TMCC3: variants seen among roughly 807,000 people sequenced by gnomAD.
TMCC3 encodes transmembrane and coiled-coil domain protein 3.
TMCC3 carries 28 observed loss-of-function variants against 40.2 expected under a neutral mutation model. That is an observed-to-expected ratio of 0.70 (90% CI 0.52 to 0.95). The LOEUF (loss-of-function observed/expected upper bound fraction) is 0.95. TMCC3 is among the 40% of genes least tolerant of loss of function. The pLI is 0.00. For missense variants in TMCC3, 554 were observed against 615.2 expected, an observed-to-expected ratio of 0.90 and a Z score of 1.05; for synonymous variants, 255 against 248.5, an observed-to-expected ratio of 1.03 and a Z score of -0.25.
rs188271897 is a variant in TMCC3, at chr12:94,579,814, C to T, written c.996-1285G>A. Reference sequence around the variant, plus strand: ...GTGACTGTAACACGCGGGTCACAAACGTAACCACAGGACAGATGCAAACAG... The same window carrying T: ...GTGACTGTAACACGCGGGTCACAAATGTAACCACAGGACAGATGCAAACAG... On this transcript the variant is annotated intron_variant, in intron 2 of 3. Transcript: ENST00000261226. Among the ~76,000 whole-genome samples the T allele has an allele frequency of 1.4e-4, 21 of 152,296 alleles. 1 individual carries two copies. In the East Asian group the frequency reaches 3.3e-3, roughly 24 times the overall value.
rs1467855760 is a variant in TMCC3, at chr12:94,578,165, A to AAAAAAAAAAAAAG, written c.1131+228_1131+229insCTTTTTTTTTTTT. On this transcript the variant is annotated intron_variant, in intron 3 of 3. Coordinates refer to ENST00000261226, the MANE Select transcript of TMCC3 (RefSeq NM_020698.4). The stretch of plus-strand genomic sequence containing the variant: ...TCACCTCAAAAAAAAAAAAAAAAAA[A>AAAAAAAAAAAAAG]AAAGAAAAAGAAAAAGAAAAAAAAA... 3.6e-3 allele frequency among the ~76,000 whole-genome samples: 443 copies of AAAAAAAAAAAAAG among 123,174 alleles called. 18 individuals carry two copies. The highest frequency in any genetic ancestry group is 0.011 in the African/African-American group (334 of 29,414). 80.8% of individuals were successfully genotyped at this position (123,174 alleles called of 152,430 possible). A position where few individuals can be genotyped will look rare whatever the true frequency, so the allele number is the denominator to read the frequency against.
At chr12:94,613,461 C>T (rs922196450) in intron 1 of TMCC3, among the ~76,000 whole-genome samples, 2 of 151,856 alleles carry the variant, frequency 1.3e-5, no homozygotes, top group Non-Finnish European at 2.9e-5. Flanking sequence ...AGCGAGACCC[C>T]GTCTCAAAAA....
intron 1 of TMCC3, among the ~76,000 whole-genome samples, chr12:94,602,466 C>T (rs1555283854): frequency 6.6e-6 from 1 of 152,164 alleles, no homozygotes; most frequent in Non-Finnish European, 1.5e-5. Flanking sequence ...CTTCCTTTTC[C>T]TTTAAGAATA....
At chr12:94,607,115 C>T (rs2068788145) in intron 1 of TMCC3, among the ~76,000 whole-genome samples, 1 of 152,158 alleles carries the variant, frequency 6.6e-6, no homozygotes. Context: ...AATAATTCAG[C>T]GATACCCTCT....
rs749991308 is a variant in TMCC3, at chr12:94,582,218, TA to T, written c.398del (p.Leu133Ter). ...CTCTGAGCTTTCGATGATACTGCTCTAACTTCTTCTGCAGCTGGGCGATGGA... is the reference window on the plus strand; with the variant it reads ...CTCTGAGCTTTCGATGATACTGCTCTACTTCTTCTGCAGCTGGGCGATGGA... ...AHSIAQLQKK[L>X]EQYHRKLREI... On this transcript the variant is annotated frameshift_variant, in exon 2 of 4. Transcript: ENST00000261226. LOFTEE classifies it high-confidence loss of function. 6.2e-7 allele frequency: 1 copy of T among 1,614,228 alleles called. No individual in the cohort carries two copies. The highest frequency in any genetic ancestry group is 1.7e-5 in the Admixed American group (1 of 60,012).
chr12:94,641,002 C>A (rs921767570), intron 1 of TMCC3, among the ~76,000 whole-genome samples: 1 of 152,128 alleles, frequency 6.6e-6, no homozygotes, highest in African/African-American at 2.4e-5. Flanking sequence ...GAGTTTGAGA[C>A]CAGCCTGGTC....
At chr12:94,627,937 T>C (rs1395377674) in intron 1 of TMCC3, among the ~76,000 whole-genome samples, 1 of 152,336 alleles carries the variant, frequency 6.6e-6, no homozygotes, top group Non-Finnish European at 1.5e-5. Flanking sequence ...TAGCACATAG[T>C]AGGTGCTCAA....
At chr12:94,594,234 G>C (rs936338148) in intron 1 of TMCC3, among the ~76,000 whole-genome samples, 5 of 147,706 alleles carry the variant, frequency 3.4e-5, no homozygotes, top group East Asian at 3.9e-4. Flanking sequence ...CACACACACA[G>C]AGTGAGAGAG....
In TMCC3 at chr12:94,625,507, C is replaced by T. The variant is rs577596178; in HGVS notation, c.78+24846G>A. Among the ~76,000 whole-genome samples, 7 of 149,516 alleles carry T rather than the reference C, an allele frequency of 4.7e-5. No individual in the cohort carries two copies. The South Asian group carries it at 8.4e-4, about 18-fold the overall frequency. ...TACTCAGGAGGCTGAGGCAGGAGAA[C>T]GGCTTGAATCTGGGAGATGGAGGTT... is the stretch of plus-strand genomic sequence containing the variant. On this transcript the variant is annotated intron_variant, in intron 1 of 3. Coordinates refer to ENST00000261226, the MANE Select transcript of TMCC3 (RefSeq NM_020698.4).
At chr12:94,629,991 C>T (rs1467489413) in intron 1 of TMCC3, among the ~76,000 whole-genome samples, 3 of 152,180 alleles carry the variant, frequency 2.0e-5, no homozygotes, top group East Asian at 1.9e-4. Flanking sequence ...ACAGGCCAGG[C>T]GTGGTGGCTC....
chr12:94,611,282 C>G (rs2068814387), intron 1 of TMCC3, among the ~76,000 whole-genome samples: 3 of 152,102 alleles, frequency 2.0e-5, no homozygotes, highest in South Asian at 2.1e-4. Flanking sequence ...TTTTATGGGA[C>G]TAAGCTGGAA....
chr12:94,584,077 C>T (rs535774212), intron 1 of TMCC3, among the ~76,000 whole-genome samples: 3 of 152,168 alleles, frequency 2.0e-5, no homozygotes, highest in Non-Finnish European at 4.4e-5. Context: ...GAATCTCCCA[C>T]TAAGTGATAT....
intron 1 of TMCC3, among the ~76,000 whole-genome samples, chr12:94,595,561 A>G (rs574916405): frequency 2.0e-5 from 3 of 152,296 alleles, no homozygotes; most frequent in African/African-American, 7.2e-5. Context: ...GGTTTCATTT[A>G]TTTTTTGGTA....
At chr12:94,590,352 T>C (rs1159694978) in intron 1 of TMCC3, among the ~76,000 whole-genome samples, 3 of 150,062 alleles carry the variant, frequency 2.0e-5, no homozygotes, top group Admixed American at 6.7e-5. Flanking sequence ...GTGATCCACT[T>C]TGTTCCATAT....
intron 1 of TMCC3, chr12:94,613,699 T>G (rs1465216057): frequency 1.3e-5 from 2 of 152,202 alleles, no homozygotes; most frequent in African/African-American, 4.8e-5. Flanking sequence ...CAGGGTCAAG[T>G]TCATCTCCTC....
At position 94,582,235 on chromosome 12, in the gene TMCC3, G is replaced by A; in HGVS notation, c.382C>T (p.Gln128Ter). 1 of 1,614,136 alleles carries A rather than the reference G, an allele frequency of 6.2e-7. No individual in the cohort carries two copies. ...TACTGCTCTAACTTCTTCTGCAGCT[G>A]GGCGATGGAGTGAGCTGATTTCTGA... is the stretch of plus-strand genomic sequence containing the variant. ...KNQKSAHSIA[Q>*]LQKKLEQYHR... is the part of the protein sequence containing the mutation. The change falls in exon 2 of 4, where the codon CAG becomes TAG. Residue 128 changes from glutamine to a stop codon, truncating the protein, a stop_gained. Transcript: ENST00000261226. LOFTEE classifies it high-confidence loss of function.
chr12:94,585,324 G>A (rs966167767), intron 1 of TMCC3, among the ~76,000 whole-genome samples: 1 of 152,028 alleles, frequency 6.6e-6, no homozygotes, highest in Non-Finnish European at 1.5e-5. Context: ...ATTTTCTATG[G>A]ATTTTCTCAT....
rs77507794 is a variant in TMCC3, at chr12:94,619,183, G to A, written c.78+31170C>T. Among the ~76,000 whole-genome samples, 890 of 152,296 alleles carry A rather than the reference G, an allele frequency of 5.8e-3. 7 individuals are homozygous for A. The highest frequency in any genetic ancestry group is 0.02 in the African/African-American group (844 of 41,554). The stretch of plus-strand genomic sequence containing the variant: ...CTGGAGGTGGTGTTTAAAATGAACA[G>A]CATCTCCGTGCTATTATGATGCTTC... On this transcript the variant is annotated intron_variant, in intron 1 of 3. Coordinates refer to ENST00000261226, the MANE Select transcript of TMCC3 (RefSeq NM_020698.4).
rs563276277 is a variant in TMCC3, at chr12:94,582,159, T to C, written c.458A>G (p.Lys153Arg). The C allele has an allele frequency of 6.2e-7, 1 of 1,614,150 alleles. No individual in the cohort carries two copies. Among genetic ancestry groups the C allele is most frequent in the East Asian group, 2.2e-5 (1 of 44,872 alleles). ...IEQNGASRSS[K>R]DISKDHLKDI... ...CTTCAGGTGGTCTTTGGAAATGTCC[T>C]TTGAGCTCCTAGAGGCTCCATTCTG... Residue 153 changes from lysine (K) to arginine (R), a missense_variant, in exon 2 of 4, where the codon AAG becomes AGG. By Grantham distance (26) the Lys-to-Arg change is conservative (BLOSUM62 2). Coordinates refer to ENST00000261226, the MANE Select transcript of TMCC3 (RefSeq NM_020698.4).
Sources: allele counts gnomAD v4.1 joint callset (sites outside exome capture counted in the v4.1 genomes callset), GRCh38; gene constraint gnomAD v4.1.1; transcripts MANE v1.5; gene names NCBI Gene and HGNC (gene_info 2026-07-23, HGNC 2026-07-21).